Variants in NT5DC1 observed in about 807,000 individuals in gnomAD.
The protein encoded by NT5DC1 is 5'-nucleotidase domain-containing protein 1.
NT5DC1 carries 42 observed loss-of-function variants against 59.4 expected under a neutral mutation model. The observed-to-expected ratio is 0.71, with a 90% CI of 0.55 to 0.92. The LOEUF is 0.92. NT5DC1 is among the 40% of genes least tolerant of loss of function. The pLI is 0.00. For synonymous variants in NT5DC1, 172 were observed against 188.1 expected, an observed-to-expected ratio of 0.91 and a Z score of 0.70; for missense variants, 501 against 537.1, an observed-to-expected ratio of 0.93 and a Z score of 0.66.
intron 6 of NT5DC1, among the ~76,000 whole-genome samples, chr6:116,198,374 G>T (rs1309609606): frequency 6.6e-6 from 1 of 151,984 alleles, no homozygotes; most frequent in Non-Finnish European, 1.5e-5. Context: ...CTGTGCTCAT[G>T]CCCTGCTTGA....
intron 6 of NT5DC1, among the ~76,000 whole-genome samples, chr6:116,135,864 T>TAC (rs1562132684): frequency 9.2e-6 from 1 of 108,658 alleles, no homozygotes; most frequent in Non-Finnish European, 1.8e-5. Flanking sequence ...TATATATATA[T>TAC]ATATATATAC....
intron 6 of NT5DC1, among the ~76,000 whole-genome samples, chr6:116,145,698 T>A (rs1779881952): frequency 6.6e-6 from 1 of 152,226 alleles, no homozygotes; most frequent in Admixed American, 6.5e-5. Flanking sequence ...GTATCTTCCA[T>A]CCTATAAAAT....
chr6:116,168,610 A>G (rs762203921), intron 6 of NT5DC1, among the ~76,000 whole-genome samples: 28 of 150,918 alleles, frequency 1.9e-4, no homozygotes, highest in Non-Finnish European at 3.8e-4. Context: ...TCTGTCGTGT[A>G]TTTTCCCCCT....
intron 6 of NT5DC1, among the ~76,000 whole-genome samples, chr6:116,188,064 A>G (rs1781040531): frequency 6.6e-6 from 1 of 152,006 alleles, no homozygotes; most frequent in Non-Finnish European, 1.5e-5. Flanking sequence ...CAAATAGGGA[A>G]CTCTAAATGG....
chr6:116,200,140 T>A (rs904221558), intron 6 of NT5DC1, among the ~76,000 whole-genome samples: 2 of 151,996 alleles, frequency 1.3e-5, no homozygotes, highest in Non-Finnish European at 2.9e-5. Context: ...TCCATGGTCT[T>A]CCACCCAATA....
chr6:116,195,081 T>C (rs1164117262), intron 6 of NT5DC1, among the ~76,000 whole-genome samples: 1 of 152,102 alleles, frequency 6.6e-6, no homozygotes, highest in African/African-American at 2.4e-5. Flanking sequence ...TGAATTGTTT[T>C]TGCTTGCCAG....
At position 116,249,391 on chromosome 6, in the gene NT5DC1, C is replaced by G. The variant is rs1258392123; in HGVS notation, c.*5367C>G. 6.6e-6 allele frequency: 1 copy of G among 152,138 alleles called. No individual in the cohort carries two copies. The highest frequency in any genetic ancestry group is 2.4e-5 in the African/African-American group (1 of 41,438). 9.4% of individuals were successfully genotyped at this position (152,138 alleles called of 1,614,324 possible). Reference sequence around the variant, plus strand: ...CATAGATTTTGTAGCATCCACAAAGCCCTCCTTACTGCAGAGAATGCAGAG... The same window carrying G: ...CATAGATTTTGTAGCATCCACAAAGGCCTCCTTACTGCAGAGAATGCAGAG... On this transcript the variant is annotated 3_prime_UTR_variant, in exon 12 of 12. Transcript: ENST00000319550.
chr6:116,149,456 G>C (rs1268222560), intron 6 of NT5DC1, among the ~76,000 whole-genome samples: 1 of 152,196 alleles, frequency 6.6e-6, no homozygotes, highest in African/African-American at 2.4e-5. Context: ...CCAGTACTAA[G>C]AGAACACTAA....
At chr6:116,175,572 GTCTTAC>G (rs1780716184) in intron 6 of NT5DC1, among the ~76,000 whole-genome samples, 1 of 152,090 alleles carries the variant, frequency 6.6e-6, no homozygotes, top group African/African-American at 2.4e-5. Flanking sequence ...ATTTGATAAT[GTCTTAC>G]AGTTTGTGGA....
chr6:116,218,367 A>G (rs1296755333), intron 6 of NT5DC1, among the ~76,000 whole-genome samples: 5 of 152,140 alleles, frequency 3.3e-5, no homozygotes, highest in Non-Finnish European at 5.9e-5. Flanking sequence ...AAGCAAGTCT[A>G]TGTTTTCAGC....
At chr6:116,161,203 A>C (rs1186252372) in intron 6 of NT5DC1, among the ~76,000 whole-genome samples, 2 of 66,026 alleles carry the variant, frequency 3.0e-5, no homozygotes, top group South Asian at 6.5e-4. Context: ...GGGTGGGGGG[A>C]GGGGGGAGGG....
rs533228371 is a variant in NT5DC1, at chr6:116,143,251, G to A, written c.529+25306G>A. Among the ~76,000 whole-genome samples, 15 of 151,836 alleles carry A rather than the reference G, an allele frequency of 9.9e-5. No homozygotes were observed. The South Asian group carries it at 1.7e-3, about 17-fold the overall frequency. ...TTTTGAGACAGAGTCTTGCTCTGTC[G>A]CCAGACTGGAGTGCAGTGGCGCGAT... On this transcript the variant is annotated intron_variant, in intron 6 of 11. Transcript: ENST00000319550.
chr6:116,115,189 A>T (rs974899256), intron 4 of NT5DC1, among the ~76,000 whole-genome samples: 16 of 151,930 alleles, frequency 1.1e-4, no homozygotes, highest in Admixed American at 1.0e-3. Context: ...ACATGGCATG[A>T]TTATATTCTA....
At chr6:116,126,680 G>GC (rs1351668390) in intron 6 of NT5DC1, among the ~76,000 whole-genome samples, 4 of 151,922 alleles carry the variant, frequency 2.6e-5, no homozygotes, top group African/African-American at 9.7e-5. Flanking sequence ...ACAACACTAC[G>GC]CTATATTCAG....
At chr6:116,150,276 T>A (rs1040400982) in intron 6 of NT5DC1, among the ~76,000 whole-genome samples, 11 of 151,984 alleles carry the variant, frequency 7.2e-5, no homozygotes, top group Non-Finnish European at 1.0e-4. Flanking sequence ...GTTTTTTTTT[T>A]ATTTTAACTT....
chr6:116,120,302 A>C (rs1381077911), intron 6 of NT5DC1: 14 of 1,614,136 alleles, frequency 8.7e-6, no homozygotes, highest in Non-Finnish European at 1.2e-5. Context: ...AGTCCCTTTC[A>C]CATGCACGTG....
intron 11 of NT5DC1, among the ~76,000 whole-genome samples, chr6:116,242,652 C>G (rs1167836394): frequency 6.6e-6 from 1 of 152,154 alleles, no homozygotes; most frequent in East Asian, 1.9e-4. Context: ...TCTCCTCTCT[C>G]AGGTCAGAAT....
intron 6 of NT5DC1, among the ~76,000 whole-genome samples, chr6:116,152,165 G>A (rs1003535909): frequency 3.3e-5 from 5 of 152,128 alleles, no homozygotes; most frequent in African/African-American, 1.2e-4. Context: ...TATACTTTCA[G>A]TATGGTTGAC....
At chr6:116,140,357 A>G (rs1038653966) in intron 6 of NT5DC1, among the ~76,000 whole-genome samples, 1 of 152,112 alleles carries the variant, frequency 6.6e-6, no homozygotes, top group African/African-American at 2.4e-5. Context: ...TTCTGGGCAC[A>G]TCACACCTCT....
Sources: allele counts gnomAD v4.1 joint callset (sites outside exome capture counted in the v4.1 genomes callset), GRCh38; gene constraint gnomAD v4.1.1; transcripts MANE v1.5; gene names NCBI Gene and HGNC (gene_info 2026-07-23, HGNC 2026-07-21).